PTPRD: variants seen among roughly 807,000 people sequenced by gnomAD.
PTPRD encodes the protein receptor-type tyrosine-protein phosphatase delta.
PTPRD carries 34 observed loss-of-function variants against 214.5 expected under a neutral mutation model. That is an observed-to-expected ratio of 0.16 (90% confidence interval 0.12 to 0.21). PTPRD has a LOEUF of 0.21. PTPRD is among the 10% of genes least tolerant of loss of function. PTPRD has a pLI of 1.00. For missense variants in PTPRD, 2,545 were observed against 2,398.7 expected (o/e 1.06, Z -1.27); for synonymous variants, 1,128 against 845.7 (o/e 1.33, Z -5.79).
chr9:8,708,109 C>G (rs74527919), intron 12 of PTPRD, among the ~76,000 whole-genome samples: 3 of 152,290 alleles, frequency 2.0e-5, no homozygotes, highest in Admixed American at 6.5e-5. Context: ...CTCAATCCAA[C>G]AAAAATGGAT....
At position 9,895,379 on chromosome 9, in the gene PTPRD, C is replaced by A. The variant is rs570965796; in HGVS notation, c.-368+43128G>T. On this transcript the variant is annotated intron_variant, in intron 5 of 45. Coordinates refer to ENST00000381196, the MANE Select transcript of PTPRD (RefSeq NM_002839.4). ...GAGATGGAGATAAGCCATGTATATA[C>A]CAGAGCCTGAGACCTTATATGTATC... Among the ~76,000 whole-genome samples, 5 of 151,768 alleles carry A rather than the reference C, an allele frequency of 3.3e-5. No individual in the cohort carries two copies. The South Asian group carries it at 6.2e-4, about 19-fold the overall frequency.
chr9:9,340,305 C>T (rs982019158), intron 9 of PTPRD, among the ~76,000 whole-genome samples: 4 of 152,092 alleles, frequency 2.6e-5, no homozygotes, highest in African/African-American at 9.7e-5. Flanking sequence ...GAATGAAATC[C>T]AAGACTATAA....
chr9:8,608,041 C>G (rs1261401971), intron 14 of PTPRD, among the ~76,000 whole-genome samples: 3 of 152,146 alleles, frequency 2.0e-5, no homozygotes, highest in African/African-American at 7.2e-5. Context: ...GCACTGCATT[C>G]TAATCCGATA....
intron 9 of PTPRD, among the ~76,000 whole-genome samples, chr9:9,210,737 A>G (rs1358613803): frequency 6.6e-6 from 1 of 151,996 alleles, no homozygotes; most frequent in African/African-American, 2.4e-5. Context: ...CATCCTAAAC[A>G]TCTCCTTTCT....
At chr9:9,592,369 C>T (rs1045572048) in intron 7 of PTPRD, among the ~76,000 whole-genome samples, 2 of 151,986 alleles carry the variant, frequency 1.3e-5, no homozygotes, top group African/African-American at 4.8e-5. Context: ...ATATAGAACA[C>T]ACTGTCGTTG....
chr9:8,863,848 T>G, intron 11 of PTPRD, among the ~76,000 whole-genome samples: 1 of 152,224 alleles, frequency 6.6e-6, no homozygotes, highest in East Asian at 1.9e-4. Flanking sequence ...TTAAATTATA[T>G]CTTCAGTAGG....
intron 9 of PTPRD, among the ~76,000 whole-genome samples, chr9:9,296,191 G>T (rs1006272224): frequency 6.6e-6 from 1 of 151,670 alleles, no homozygotes; most frequent in Non-Finnish European, 1.5e-5. Context: ...TAGACTGCTG[G>T]TTCTGCACCA....
intron 5 of PTPRD, among the ~76,000 whole-genome samples, chr9:9,812,404 A>T (rs1462449378): frequency 6.6e-6 from 1 of 152,156 alleles, no homozygotes; most frequent in Non-Finnish European, 1.5e-5. Flanking sequence ...AAAAAAAAAA[A>T]GTTGCAGCAA....
intron 9 of PTPRD, among the ~76,000 whole-genome samples, chr9:9,189,216 T>A (rs1475344586): frequency 6.6e-6 from 1 of 152,000 alleles, no homozygotes; most frequent in Non-Finnish European, 1.5e-5. Context: ...TGAAAAAATA[T>A]CCTCTAGAGT....
chr9:8,343,985 A>G (rs577108164), intron 39 of PTPRD, among the ~76,000 whole-genome samples: 5 of 152,060 alleles, frequency 3.3e-5, no homozygotes, highest in Non-Finnish European at 7.4e-5. Context: ...ATCAGGAATA[A>G]AGAGACAGGA....
intron 5 of PTPRD, among the ~76,000 whole-genome samples, chr9:9,909,600 C>T (rs945180207): frequency 6.6e-6 from 1 of 151,710 alleles, no homozygotes; most frequent in African/African-American, 2.4e-5. Context: ...AAATATGGGG[C>T]AGTTTAATTG....
chr9:10,038,826 ATTCCC>A (rs1438318150), intron 3 of PTPRD, among the ~76,000 whole-genome samples: 1 of 151,814 alleles, frequency 6.6e-6, no homozygotes, highest in Non-Finnish European at 1.5e-5. Flanking sequence ...TATTGTATCT[ATTCCC>A]TCCCCTCAAT....
chr9:8,330,327 T>TGTAAGTACATTGTTGTTTG (rs1554695936), intron 44 of PTPRD, among the ~76,000 whole-genome samples: 43 of 152,268 alleles, frequency 2.8e-4, no homozygotes, highest in South Asian at 6.2e-4. Context: ...TTCCAGCTCT[T>TGTAAGTACATTGTTGTTTG]GTAAGTACAT....
chr9:9,547,861 C>T (rs949392813), intron 8 of PTPRD, among the ~76,000 whole-genome samples: 2 of 147,014 alleles, frequency 1.4e-5, no homozygotes, highest in East Asian at 4.0e-4. Context: ...AAGCAAATTG[C>T]TAAAAATGAA....
At chr9:10,547,803 G>A (rs554099495) in intron 2 of PTPRD, among the ~76,000 whole-genome samples, 1 of 152,090 alleles carries the variant, frequency 6.6e-6, no homozygotes, top group South Asian at 2.1e-4. Flanking sequence ...ATGACAGATT[G>A]CTGTATTTTT....
In PTPRD at chr9:10,234,140, G is replaced by C. The variant is rs141799623; in HGVS notation, c.-545+106823C>G. Reference sequence around the variant, plus strand: ...ATGATGGCATACACCTGTAATCACAGCTACTCAGGAGGCTGATGCAGGAGA... The same window carrying C: ...ATGATGGCATACACCTGTAATCACACCTACTCAGGAGGCTGATGCAGGAGA... On this transcript the variant is annotated intron_variant, in intron 3 of 45. Transcript: ENST00000381196. 8.6e-3 allele frequency among the ~76,000 whole-genome samples: 1,302 copies of C among 151,864 alleles called. 14 individuals carry two copies. Among genetic ancestry groups the C allele is most frequent in the African/African-American group, 0.03 (1,245 of 41,452 alleles).
At chr9:8,918,982 G>A (rs1250666810) in intron 11 of PTPRD, among the ~76,000 whole-genome samples, 5 of 152,116 alleles carry the variant, frequency 3.3e-5, no homozygotes, top group South Asian at 2.1e-4. Context: ...ACCACACATC[G>A]TAGGGAACAT....
intron 11 of PTPRD, among the ~76,000 whole-genome samples, chr9:8,749,402 G>C (rs2093284290): frequency 1.3e-5 from 2 of 152,148 alleles, no homozygotes; most frequent in South Asian, 4.1e-4. Context: ...TGGCCAGGCT[G>C]GTCTCAAACT....
chr9:9,981,078 C>T (rs1011639869), intron 4 of PTPRD, among the ~76,000 whole-genome samples: 2 of 152,122 alleles, frequency 1.3e-5, no homozygotes, highest in Non-Finnish European at 1.5e-5. Context: ...GATGAATGCA[C>T]CTCCACAAAG....
Sources: allele counts gnomAD v4.1 joint callset (sites outside exome capture counted in the v4.1 genomes callset), GRCh38; gene constraint gnomAD v4.1.1; transcripts MANE v1.5; gene names NCBI Gene and HGNC (gene_info 2026-07-23, HGNC 2026-07-21).